GBE1: variants seen among roughly 807,000 people sequenced by gnomAD.
GBE1 encodes 1,4-alpha-glucan-branching enzyme.
Under a neutral mutation model 88.8 loss-of-function variants are expected in GBE1, and 70 were observed. The observed-to-expected ratio is 0.79, with a 90% CI of 0.65 to 0.96. GBE1 has a LOEUF of 0.96. GBE1 is among the 40% of genes least tolerant of loss of function. GBE1 has a pLI of 0.00. For missense variants in GBE1, 872 were observed against 871.0 expected (o/e 1.00, Z -0.01); for synonymous variants, 284 against 300.1 (o/e 0.95, Z 0.56).
chr3:81,550,758 G>C (rs1399648777), intron 12 of GBE1, among the ~76,000 whole-genome samples: 1 of 152,136 alleles, frequency 6.6e-6, no homozygotes, highest in Non-Finnish European at 1.5e-5. Context: ...AAATGCCATG[G>C]CAACGTCAGG....
At chr3:81,583,777 GTTACTC>G (rs1703763168) in intron 10 of GBE1, among the ~76,000 whole-genome samples, 2 of 151,990 alleles carry the variant, frequency 1.3e-5, no homozygotes, top group Admixed American at 1.3e-4. Context: ...ATAAGTAGGC[GTTACTC>G]TAAAGGCAAC....
intron 7 of GBE1, chr3:81,613,044 G>A: frequency 1.2e-5 from 8 of 666,254 alleles, no homozygotes; most frequent in Non-Finnish European, 1.3e-5. Flanking sequence ...TGATGAAGGG[G>A]AGGAAAGAGA....
chr3:81,590,823 A>G (rs1559654962), intron 9 of GBE1, among the ~76,000 whole-genome samples: 1 of 152,156 alleles, frequency 6.6e-6, no homozygotes, highest in Non-Finnish European at 1.5e-5. Context: ...TAACAACAGA[A>G]TGGTGACAAG....
intron 7 of GBE1, among the ~76,000 whole-genome samples, chr3:81,602,601 C>A (rs370696635): frequency 6.6e-6 from 1 of 151,790 alleles, no homozygotes; most frequent in East Asian, 1.9e-4. Context: ...TCTAAGAGCG[C>A]TAATCCCATT....
intron 14 of GBE1, among the ~76,000 whole-genome samples, chr3:81,514,233 C>G (rs1354238781): frequency 6.7e-6 from 1 of 148,432 alleles, no homozygotes; most frequent in Non-Finnish European, 1.5e-5. Flanking sequence ...GAAAAAAAAA[C>G]CCAGTAATGT....
At chr3:81,513,262 C>T (rs890912764) in intron 14 of GBE1, among the ~76,000 whole-genome samples, 11 of 151,440 alleles carry the variant, frequency 7.3e-5, no homozygotes, top group African/African-American at 2.7e-4. Flanking sequence ...CAAGACAGTG[C>T]TGCAGGATAC....
At chr3:81,669,907 C>T (rs1216394888) in intron 3 of GBE1, among the ~76,000 whole-genome samples, 1 of 151,988 alleles carries the variant, frequency 6.6e-6, no homozygotes, top group African/African-American at 2.4e-5. Flanking sequence ...ATATTTTTAA[C>T]AACCTACAAA....
chr3:81,563,112 G>A lies in GBE1; in HGVS notation c.1618+14813C>T, dbSNP rs535897282. 3.3e-5 allele frequency among the ~76,000 whole-genome samples: 5 copies of A among 152,084 alleles called. No individual in the cohort carries two copies. In the East Asian group the frequency reaches 5.8e-4, roughly 18 times the overall value. On this transcript the variant is annotated intron_variant, in intron 12 of 15. Coordinates refer to ENST00000429644, the MANE Select transcript of GBE1 (RefSeq NM_000158.4). ...TACATCTCACATTTTTCAGCCTATG[G>A]ATCCTTCCAGCCTGCATGAATAACA...
chr3:81,549,761 A>G (rs1439724497), intron 12 of GBE1, among the ~76,000 whole-genome samples: 2 of 151,656 alleles, frequency 1.3e-5, no homozygotes, highest in African/African-American at 2.4e-5. Flanking sequence ...ATCAAAAATA[A>G]TTATTCTTGC....
At chr3:81,681,181 C>T (rs991062335) in intron 2 of GBE1, among the ~76,000 whole-genome samples, 12 of 152,148 alleles carry the variant, frequency 7.9e-5, no homozygotes, top group African/African-American at 2.4e-4. Flanking sequence ...ATTGTGAATG[C>T]CATATGGTCT....
chr3:81,750,685 A>ACG (rs1398264114), intron 1 of GBE1, among the ~76,000 whole-genome samples: 1 of 103,654 alleles, frequency 9.6e-6, no homozygotes, highest in Admixed American at 1.1e-4. Flanking sequence ...GTATATATAT[A>ACG]TATATATATG....
At chr3:81,601,595 G>T (rs1332760521) in intron 7 of GBE1, among the ~76,000 whole-genome samples, 1 of 152,080 alleles carries the variant, frequency 6.6e-6, no homozygotes, top group Non-Finnish European at 1.5e-5. Context: ...TGGGTATAAC[G>T]TGATGGCAGT....
At chr3:81,524,967 G>T (rs1702924538) in intron 14 of GBE1, among the ~76,000 whole-genome samples, 1 of 151,780 alleles carries the variant, frequency 6.6e-6, no homozygotes, top group Non-Finnish European at 1.5e-5. Context: ...TTTTGATAGG[G>T]ATTCTTAATT....
chr3:81,545,891 C>G (rs2106885162), intron 12 of GBE1, among the ~76,000 whole-genome samples: 1 of 152,238 alleles, frequency 6.6e-6, no homozygotes, highest in Admixed American at 6.5e-5. Context: ...GCTCATTAGT[C>G]ACTTAATGGC....
At chr3:81,524,324 T>C (rs895712168) in intron 14 of GBE1, among the ~76,000 whole-genome samples, 15 of 151,904 alleles carry the variant, frequency 9.9e-5, no homozygotes, top group African/African-American at 3.6e-4. Context: ...CTTCTGCCCA[T>C]TTTTAAATAA....
At chr3:81,557,386 A>G (rs1239103757) in intron 12 of GBE1, among the ~76,000 whole-genome samples, 1 of 152,080 alleles carries the variant, frequency 6.6e-6, no homozygotes. Flanking sequence ...TTAAAAATAA[A>G]CAAATAAAAG....
intron 9 of GBE1, among the ~76,000 whole-genome samples, chr3:81,587,281 T>C (rs2106946916): frequency 6.6e-6 from 1 of 152,318 alleles, no homozygotes; most frequent in Admixed American, 6.5e-5. Context: ...AAGACAACTT[T>C]AGGAAAATAT....
At chr3:81,755,641 T>C (rs957763628) in intron 1 of GBE1, among the ~76,000 whole-genome samples, 18 of 152,104 alleles carry the variant, frequency 1.2e-4, no homozygotes, top group Non-Finnish European at 1.0e-4. Context: ...TATTCAACCA[T>C]AAAAATTAAT....
In GBE1 at chr3:81,586,109, G is replaced by T; in HGVS notation, c.1318C>A (p.Pro440Thr). 6.2e-7 allele frequency: 1 copy of T among 1,606,652 alleles called. No individual in the cohort carries two copies. Among genetic ancestry groups the T allele is most frequent in the Non-Finnish European group, 8.5e-7 (1 of 1,175,984 alleles). Residue 440 changes from proline (P) to threonine (T), a missense_variant, in exon 10 of 16, where the codon CCA becomes ACA. By Grantham distance (38) the Pro-to-Thr change is conservative (BLOSUM62 -1). Coordinates refer to ENST00000429644, the MANE Select transcript of GBE1 (RefSeq NM_000158.4). ...GFDYRLAMAI[P>T]DKWIQLLKEF... ...ACTCTTACCTGAATCCACTTATCTG[G>T]AATTGCCATGGCTAGTCGATAGTCA...
Sources: gnomAD v4.1 joint callset for allele counts (sites outside exome capture counted in the v4.1 genomes callset) on GRCh38, gnomAD v4.1.1 for gene constraint, MANE v1.5 for transcripts, NCBI Gene and HGNC (gene_info 2026-07-23, HGNC 2026-07-21) for gene names.